MOV10: variants seen among roughly 807,000 people sequenced by gnomAD.
The protein encoded by MOV10 is RNA helicase MOV-10.
MOV10 carries 39 observed loss-of-function variants against 108.4 expected under a neutral mutation model. That is an observed-to-expected ratio of 0.36 (90% CI 0.28 to 0.47). The LOEUF (loss-of-function observed/expected upper bound fraction) is 0.47. Among genes scored for constraint, MOV10 ranks in the 20% least tolerant of loss-of-function variants. The probability of loss-of-function intolerance (pLI) is 1.00; values close to 1 mark genes in which losing one functional copy is unlikely to be tolerated. For missense variants in MOV10, 952 were observed against 1,297.6 expected (o/e 0.73, Z 4.09); for synonymous variants, 490 against 523.1 (o/e 0.94, Z 0.86).
chr1:112,690,199 C>T (rs772718841), intron 5 of MOV10, 101 bp downstream of exon 5: 34 of 1,415,296 alleles, frequency 2.4e-5, no homozygotes, highest in Non-Finnish European at 3.2e-5. Flanking sequence ...AGCCCTTTTC[C>T]TACAGGCTCT....
chr1:112,696,219 G>C lies in MOV10; in HGVS notation c.1851G>C (p.Arg617=), dbSNP rs1166180229. ...CCAAGAAGAAGCTGCAGGAATACCGGGTCTTAATTACCACCCTCATCACTG... is the reference window on the plus strand; with the variant it reads ...CCAAGAAGAAGCTGCAGGAATACCGCGTCTTAATTACCACCCTCATCACTG... ...FPAKKKLQEY[R]VLITTLITAG... The change falls in exon 12 of 21, where the codon CGG becomes CGC. Residue 617 remains arginine, a synonymous_variant. Transcript: ENST00000369645. 5.0e-6 allele frequency: 8 copies of C among 1,613,820 alleles called. No homozygotes were observed. The highest frequency in any genetic ancestry group is 5.9e-6 in the Non-Finnish European group (7 of 1,179,802).
In MOV10 at chr1:112,696,586, G is replaced by A. The variant is rs756793642; in HGVS notation, c.1982-44G>A. On this transcript the variant is annotated intron_variant, in intron 13 of 20. Transcript: ENST00000369645. The stretch of plus-strand genomic sequence containing the variant: ...TATACACCCTGTGTGGGTCAGAGAG[G>A]TTGCACCACTTACCTTTCTTCCCAC... 1.4e-5 allele frequency: 22 copies of A among 1,611,738 alleles called. No individual in the cohort carries two copies. In the African/African-American group the frequency reaches 2.8e-4, roughly 21 times the overall value.
At chr1:112,698,899 C>A (rs1341990083) in intron 17 of MOV10, 110 bp downstream of exon 17, 5 of 921,340 alleles carry the variant, frequency 5.4e-6, no homozygotes, top group Non-Finnish European at 9.0e-6. Flanking sequence ...CCCACCCCTG[C>A]TGCCTTGAAT....
At chr1:112,680,385 G>A (rs188875810) in intron 2 of MOV10, among the ~76,000 whole-genome samples, 58 of 152,104 alleles carry the variant, frequency 3.8e-4, no homozygotes, top group East Asian at 1.4e-3. Flanking sequence ...GGCCGGGCGC[G>A]GTGGCTCACG....
intron 2 of MOV10, among the ~76,000 whole-genome samples, chr1:112,676,400 A>C (rs1258086181): frequency 6.6e-6 from 1 of 152,238 alleles, no homozygotes; most frequent in Non-Finnish European, 1.5e-5. Flanking sequence ...ACAGAGTACA[A>C]CATGGCTAGG....
At chr1:112,676,339 A>G (rs72984595) in intron 2 of MOV10, among the ~76,000 whole-genome samples, 2,685 of 152,298 alleles carry the variant, frequency 0.018, 70 homozygotes, top group East Asian at 0.094. Flanking sequence ...AAGAGCGAGC[A>G]TTTGCATCAC....
In MOV10 at chr1:112,694,860, C is replaced by T. The variant is rs756692750; in HGVS notation, c.1584C>T (p.Thr528=). 13 of 1,614,000 alleles carry T rather than the reference C, an allele frequency of 8.1e-6. No individual in the cohort carries two copies. Among genetic ancestry groups the T allele is most frequent in the Middle Eastern group, 3.3e-4 (2 of 6,060 alleles). ...ACATCATCTTTGGGCCTCCAGGCACCGGCAAGACTGTCACGTTAGTGGAGG... is the reference window on the plus strand; with the variant it reads ...ACATCATCTTTGGGCCTCCAGGCACTGGCAAGACTGTCACGTTAGTGGAGG... ...APYIIFGPPG[T]GKTVTLVEAI... is the part of the protein sequence containing the mutation. The change falls in exon 10 of 21, where the codon ACC becomes ACT. Residue 528 remains threonine (T), a synonymous_variant. Transcript: ENST00000369645. The surrounding 1 kb of genome is among the most constrained non-coding windows in gnomAD (Gnocchi z 4.1).
rs1420549681 is a variant in MOV10 at position 112,689,019 on chromosome 1, C to A, written c.222C>A (p.Val74=). 18 of 1,612,630 alleles carry A rather than the reference C, an allele frequency of 1.1e-5. No homozygotes were observed. Among genetic ancestry groups the A allele is most frequent in the Non-Finnish European group, 1.5e-5 (18 of 1,180,040 alleles). ...ANLAYVTKTR[V]RFFRLDRWAD... Reference sequence around the variant, plus strand: ...TGGCCTACGTCACCAAGACTCGGGTCAGGTTCTTCAGACTCGACCGCTGGG... The same window carrying A: ...TGGCCTACGTCACCAAGACTCGGGTAAGGTTCTTCAGACTCGACCGCTGGG... The change falls in exon 3 of 21, where the codon GTC becomes GTA. Residue 74 remains valine (V), a synonymous_variant. Transcript: ENST00000369645.
At chr1:112,693,470 G>A (rs1304749079) in intron 7 of MOV10, among the ~76,000 whole-genome samples, 1 of 151,946 alleles carries the variant, frequency 6.6e-6, no homozygotes, top group Admixed American at 6.6e-5. Flanking sequence ...CCCGCCGCCC[G>A]GGCTCAAGTG....
chr1:112,686,911 T>C, intron 2 of MOV10: 1 of 456,518 alleles, frequency 2.2e-6, no homozygotes, highest in South Asian at 1.5e-5. Context: ...GCCTTTGTTA[T>C]CTTTTAACTG....
chr1:112,699,433 T>C, intron 17 of MOV10: 2 of 1,342,350 alleles, frequency 1.5e-6, no homozygotes, highest in Non-Finnish European at 1.9e-6. Context: ...CCCGTGTTCT[T>C]TGCAATGCTG....
intron 2 of MOV10, among the ~76,000 whole-genome samples, chr1:112,686,622 G>A (rs967925864): frequency 2.0e-5 from 3 of 152,130 alleles, no homozygotes; most frequent in African/African-American, 4.8e-5. Flanking sequence ...CTTCTGACTC[G>A]TGGAGCTGGT....
At position 112,675,130 on chromosome 1, in the gene MOV10, C is replaced by G; in HGVS notation, c.137+81C>G. 1 of 1,522,490 alleles carries G rather than the reference C, an allele frequency of 6.6e-7. No individual in the cohort carries two copies. Among genetic ancestry groups the G allele is most frequent in the South Asian group, 1.2e-5 (1 of 84,234 alleles). The allele number at this position is 1,522,490 out of a possible 1,614,324, so 94.3% of individuals were successfully genotyped here. On this transcript the variant is annotated intron_variant, in intron 2 of 20. Transcript: ENST00000369645. The surrounding 1 kb of genome is among the most constrained non-coding windows in gnomAD (Gnocchi z 4.7). ...CCCCGCGCGAGGGCCACCTTTCCCG[C>G]CCCGGGGCGCAGAGGGACGCAGCTC...
intron 17 of MOV10, 25 bp downstream of exon 17, chr1:112,698,814 CCCTG>C: frequency 6.2e-7 from 1 of 1,600,986 alleles, no homozygotes; most frequent in Non-Finnish European, 8.6e-7. Flanking sequence ...CACAGTCACT[CCCTG>C]CCTTCCGTGT....
At chr1:112,689,393 C>T (rs115422843) in intron 3 of MOV10, 22 bp from the exon 4 acceptor site, 3 of 1,466,970 alleles carry the variant, frequency 2.0e-6, no homozygotes, top group Admixed American at 3.3e-5. Context: ...CCCAACCCCC[C>T]CTTGACTCCC....
intron 17 of MOV10, chr1:112,699,382 T>G (rs925797655): frequency 4.0e-5 from 39 of 972,430 alleles, no homozygotes; most frequent in Non-Finnish European, 4.8e-5. Context: ...AGATACTTAG[T>G]GATTGTTTTC....
intron 10 of MOV10, 50 bp from the exon 11 acceptor site, chr1:112,695,366 G>C: frequency 6.3e-7 from 1 of 1,595,036 alleles, no homozygotes; most frequent in South Asian, 1.1e-5. Flanking sequence ...GCCTGGGTAC[G>C]GCTGAGTCTC....
chr1:112,686,360 T>C (rs1673081346), intron 2 of MOV10, among the ~76,000 whole-genome samples: 1 of 152,218 alleles, frequency 6.6e-6, no homozygotes, highest in African/African-American at 2.4e-5. Context: ...TTACTGATGA[T>C]CTCCTGATTT....
intron 5 of MOV10, 97 bp from the exon 6 acceptor site, chr1:112,691,568 G>A: frequency 6.8e-7 from 1 of 1,474,106 alleles, no homozygotes; most frequent in African/African-American, 1.4e-5. Flanking sequence ...TTCAGCAGTA[G>A]GATTGCAGGA....
Sources: allele counts gnomAD v4.1 joint callset (sites outside exome capture counted in the v4.1 genomes callset), GRCh38; gene constraint gnomAD v4.1.1; non-coding constraint Gnocchi (gnomAD v3.1); transcripts MANE v1.5; gene names NCBI Gene and HGNC (gene_info 2026-07-23, HGNC 2026-07-21).